R3HDM2: variants seen among roughly 807,000 people sequenced by gnomAD.
R3HDM2 encodes the protein R3H domain containing 2.
Under a neutral mutation model 124.5 loss-of-function variants are expected in R3HDM2, and 38 were observed. The observed-to-expected ratio is 0.31, with a 90% CI of 0.24 to 0.40. R3HDM2 has a LOEUF of 0.40. Among genes scored for constraint, R3HDM2 ranks in the 10% least tolerant of loss-of-function variants. The pLI is 1.00. For missense variants in R3HDM2, 869 were observed against 1,236.9 expected, an observed-to-expected ratio of 0.70 and a Z score of 4.46; for synonymous variants, 391 against 448.0, an observed-to-expected ratio of 0.87 and a Z score of 1.61.
Position 57,313,490 on chromosome 12 carries a change from G to C in R3HDM2, c.-35-3027C>G, listed in dbSNP as rs575751249. 2.6e-4 allele frequency among the ~76,000 whole-genome samples: 39 copies of C among 151,600 alleles called. 2 individuals carry two copies. The highest frequency in any genetic ancestry group is 9.2e-4 in the African/African-American group (38 of 41,268). ...GAGGCGGGAGGATCACTTGAGCCCAGGAGGTCAAGGATGCATTGAGCCATG... is the reference window on the plus strand; with the variant it reads ...GAGGCGGGAGGATCACTTGAGCCCACGAGGTCAAGGATGCATTGAGCCATG... On this transcript the variant is annotated intron_variant, in intron 2 of 23. Transcript: ENST00000402412.
rs150341034 is a variant in R3HDM2 at position 57,267,656 on chromosome 12, G to A, written c.2030+647C>T. Among the ~76,000 whole-genome samples the A allele has an allele frequency of 8.3e-3, 1,262 of 152,254 alleles. 15 individuals carry two copies. Among genetic ancestry groups the A allele is most frequent in the Middle Eastern group, 0.031 (9 of 294 alleles). The stretch of plus-strand genomic sequence containing the variant: ...CAACCTGGAGACATATATAGAAAAA[G>A]ACAAAGGTAAATGCACATATACTGG... On this transcript the variant is annotated intron_variant, in intron 18 of 23. Coordinates refer to ENST00000402412, the MANE Select transcript of R3HDM2 (RefSeq NM_001394031.1).
At chr12:57,367,892 A>G (rs763990355) in intron 2 of R3HDM2, among the ~76,000 whole-genome samples, 12 of 151,782 alleles carry the variant, frequency 7.9e-5, no homozygotes, top group Admixed American at 4.6e-4. Flanking sequence ...TTATTCTCTC[A>G]TTTCTTATTC....
intron 2 of R3HDM2, among the ~76,000 whole-genome samples, chr12:57,388,788 G>T (rs950720522): frequency 6.6e-6 from 1 of 151,714 alleles, no homozygotes; most frequent in Non-Finnish European, 1.5e-5. Context: ...ATATGGAGGG[G>T]GAAAAAGTTA....
intron 1 of R3HDM2, among the ~76,000 whole-genome samples, chr12:57,430,093 T>C (rs922648735): frequency 2.0e-5 from 3 of 152,188 alleles, no homozygotes; most frequent in African/African-American, 4.8e-5. Flanking sequence ...ATTCGGTCAT[T>C]TCTCATCATT....
At chr12:57,418,794 T>C (rs1025100551) in intron 1 of R3HDM2, among the ~76,000 whole-genome samples, 1 of 152,040 alleles carries the variant, frequency 6.6e-6, no homozygotes, top group African/African-American at 2.4e-5. Flanking sequence ...AAACTCTGAC[T>C]TCAGGTGATC....
At position 57,269,939 on chromosome 12, in the gene R3HDM2, G is replaced by A. The variant is rs1272567509; in HGVS notation, c.1400C>T (p.Thr467Ile). ...GQMSLSRQGS[T>I]EAADPSAALF... ...AGCTGCAGATGGGTCAGCTGCTTCAGTAGAACCTTGGCGACTAAGGCTCAT... is the reference window on the plus strand; with the variant it reads ...AGCTGCAGATGGGTCAGCTGCTTCAATAGAACCTTGGCGACTAAGGCTCAT... Residue 467 changes from threonine (T) to isoleucine (I), a missense_variant, in exon 15 of 24, where the codon ACT becomes ATT. By Grantham distance (89) the Thr-to-Ile change is moderately conservative. Coordinates refer to ENST00000402412, the MANE Select transcript of R3HDM2 (RefSeq NM_001394031.1). 6.2e-7 allele frequency: 1 copy of A among 1,614,214 alleles called. No homozygotes were observed. Among genetic ancestry groups the A allele is most frequent in the South Asian group, 1.1e-5 (1 of 91,086 alleles).
chr12:57,392,765 C>T (rs2066886758), intron 2 of R3HDM2, among the ~76,000 whole-genome samples: 1 of 151,372 alleles, frequency 6.6e-6, no homozygotes, highest in Non-Finnish European at 1.5e-5. Flanking sequence ...TCTACAATCC[C>T]AGCACTTTGG....
At chr12:57,326,313 G>A (rs1305079006) in intron 2 of R3HDM2, among the ~76,000 whole-genome samples, 1 of 152,198 alleles carries the variant, frequency 6.6e-6, no homozygotes, top group Non-Finnish European at 1.5e-5. Flanking sequence ...CGTGAGGAAG[G>A]CATGTTGAAA....
intron 2 of R3HDM2, among the ~76,000 whole-genome samples, chr12:57,389,958 G>C (rs1370049630): frequency 2.6e-5 from 4 of 152,132 alleles, no homozygotes; most frequent in South Asian, 2.1e-4. Flanking sequence ...TGGGCTTCAA[G>C]AGACACTGAA....
intron 1 of R3HDM2, among the ~76,000 whole-genome samples, chr12:57,417,384 CAAAAAAA>C (rs542470589): frequency 3.6e-4 from 40 of 110,256 alleles, no homozygotes; most frequent in African/African-American, 1.2e-3. Flanking sequence ...AATTCCATTT[CAAAAAAA>C]AAAAAAAAAG....
intron 2 of R3HDM2, among the ~76,000 whole-genome samples, chr12:57,352,521 A>T (rs1216038935): frequency 6.9e-6 from 1 of 144,930 alleles, no homozygotes; most frequent in African/African-American, 2.6e-5. Flanking sequence ...TAGATGGATC[A>T]TCACTCTGTC....
chr12:57,266,881 C>T (rs1482731473), intron 18 of R3HDM2, 50 bp from the exon 19 acceptor site: 2 of 1,303,418 alleles, frequency 1.5e-6, no homozygotes, highest in South Asian at 1.4e-5. Context: ...GGGATGAACA[C>T]AGCTCCTGGC....
intron 13 of R3HDM2, among the ~76,000 whole-genome samples, chr12:57,281,688 G>A (rs2046179352): frequency 1.3e-5 from 2 of 151,916 alleles, no homozygotes; most frequent in South Asian, 4.2e-4. Flanking sequence ...GTTTTGCCTT[G>A]TTGGCCAGGC....
chr12:57,344,036 G>C (rs187697094), intron 2 of R3HDM2, among the ~76,000 whole-genome samples: 95 of 152,212 alleles, frequency 6.2e-4, no homozygotes, highest in Non-Finnish European at 3.7e-4. Context: ...CAATCACCTA[G>C]ATACATATAC....
chr12:57,371,798 C>T (rs535217357), intron 2 of R3HDM2, among the ~76,000 whole-genome samples: 1 of 152,320 alleles, frequency 6.6e-6, no homozygotes, highest in African/African-American at 2.4e-5. Context: ...CCCACTGCTG[C>T]TGAAACAAAA....
chr12:57,351,186 G>A (rs2060640879), intron 2 of R3HDM2, among the ~76,000 whole-genome samples: 1 of 152,124 alleles, frequency 6.6e-6, no homozygotes, highest in African/African-American at 2.4e-5. Flanking sequence ...AGGACTGCTT[G>A]AGCCCAAGAG....
chr12:57,354,369 TG>T (rs1436929506), intron 2 of R3HDM2, among the ~76,000 whole-genome samples: 1 of 152,000 alleles, frequency 6.6e-6, no homozygotes, highest in African/African-American at 2.4e-5. Flanking sequence ...TCTCAGTTCA[TG>T]TAACCTCTGG....
Position 57,313,563 on chromosome 12 carries a change from CAA to C in R3HDM2, c.-35-3102_-35-3101del, listed in dbSNP as rs11306097. On this transcript the variant is annotated intron_variant, in intron 2 of 23. Coordinates refer to ENST00000402412, the MANE Select transcript of R3HDM2 (RefSeq NM_001394031.1). ...TAGGCAACAGAGTAAGACCTTGTCTCAAAAAAAAAAAAAATAATAATAATAAA... is the reference window on the plus strand; with the variant it reads ...TAGGCAACAGAGTAAGACCTTGTCTCAAAAAAAAAAAATAATAATAATAAA... Among the ~76,000 whole-genome samples the C allele has an allele frequency of 2.1e-3, 306 of 142,702 alleles. 4 individuals are homozygous for C. Among genetic ancestry groups the C allele is most frequent in the African/African-American group, 4.1e-3 (159 of 38,482 alleles). 93.6% of individuals were successfully genotyped at this position (142,702 alleles called of 152,430 possible). A position where few individuals can be genotyped will look rare whatever the true frequency, so the allele number is the denominator to read the frequency against.
rs192670431 is a variant in R3HDM2 at position 57,254,185 on chromosome 12, G to A, written c.*588C>T. On this transcript the variant is annotated 3_prime_UTR_variant, in exon 24 of 24. Coordinates refer to ENST00000402412, the MANE Select transcript of R3HDM2 (RefSeq NM_001394031.1). ...ATGAGAAATTAATTTTATGATAGGA[G>A]AAGAGATTTAAAAAAATGATAGAAG... The A allele has an allele frequency of 2.2e-6, 1 of 456,272 alleles. No individual in the cohort carries two copies. Among genetic ancestry groups the A allele is most frequent in the East Asian group, 6.9e-5 (1 of 14,394 alleles). 28.3% of individuals were successfully genotyped at this position (456,272 alleles called of 1,614,324 possible). A position where few individuals can be genotyped will look rare whatever the true frequency, so the allele number is the denominator to read the frequency against.
Sources: gnomAD v4.1 joint callset for allele counts (sites outside exome capture counted in the v4.1 genomes callset) on GRCh38, gnomAD v4.1.1 for gene constraint, MANE v1.5 for transcripts, NCBI Gene and HGNC (gene_info 2026-07-23, HGNC 2026-07-21) for gene names.